The following HEATR1 variants were observed in gnomAD, a reference collection of about 807,000 sequenced individuals.
HEATR1 encodes HEAT repeat-containing protein 1.
A neutral mutation model predicts 248.2 loss-of-function variants in HEATR1; 77 were observed. The ratio of observed to expected loss-of-function variants is 0.31; its 90% confidence interval spans 0.26 to 0.37. The LOEUF (loss-of-function observed/expected upper bound fraction) is 0.37. Among genes scored for constraint, HEATR1 ranks in the 10% least tolerant of loss-of-function variants. The pLI is 1.00. For missense variants in HEATR1, 2,420 were observed against 2,504.9 expected, an observed-to-expected ratio of 0.97 and a Z score of 0.72; for synonymous variants, 897 against 923.1, an observed-to-expected ratio of 0.97 and a Z score of 0.51.
At position 236,553,639 on chromosome 1, in the gene HEATR1, G is replaced by C. The variant is rs200320031; in HGVS notation, c.6179C>G (p.Ser2060Cys). 6.8e-5 allele frequency: 109 copies of C among 1,613,956 alleles called. No homozygotes were observed. The highest frequency in any genetic ancestry group is 5.0e-4 in the Admixed American group (30 of 59,998). Reference protein sequence around the residue: ...AQFSVAMADDSLWKPLNYQIL... With the variant: ...AQFSVAMADDCLWKPLNYQIL... ...CTGGTAGTTCAGTGGTTTCCAAAGA[G>C]AGTCATCCGCCATGGCCACCGAAAA... Residue 2060 changes from serine (S) to cysteine (C), a missense_variant, in exon 43 of 45, where the codon TCT (serine) becomes TGT (cysteine). Transcript: ENST00000366582.
intron 39 of HEATR1, 30 bp from the exon 40 acceptor site, chr1:236,555,685 T>C (rs371924945): frequency 1.0e-4 from 164 of 1,609,424 alleles, no homozygotes; most frequent in Non-Finnish European, 1.3e-4. Context: ...TTTATTAGAG[T>C]GCTGATACCT....
intron 10 of HEATR1, among the ~76,000 whole-genome samples, 154 bp from the exon 11 acceptor site, chr1:236,592,264 G>A (rs372097906): frequency 8.5e-5 from 13 of 152,154 alleles, no homozygotes; most frequent in African/African-American, 2.9e-4. Context: ...AAATGACATT[G>A]GTCAAGTGTG....
rs539778082 is a variant in HEATR1 at position 236,555,731 on chromosome 1, C to T, written c.5649+74G>A. 4.5e-5 allele frequency: 72 copies of T among 1,605,492 alleles called. 1 individual carries two copies. Among genetic ancestry groups the T allele is most frequent in the East Asian group, 2.0e-4 (9 of 44,856 alleles). ...TATTTTGGCAAGTACCACTGTTACA[C>T]GGCTAGATTGTTCTCGGACTCTTCA... is the stretch of plus-strand genomic sequence containing the variant. On this transcript the variant is annotated intron_variant, in intron 39 of 44. Coordinates refer to ENST00000366582, the MANE Select transcript of HEATR1 (RefSeq NM_018072.6).
At chr1:236,564,921 G>C (rs1038909819) in intron 31 of HEATR1, among the ~76,000 whole-genome samples, 1 of 152,180 alleles carries the variant, frequency 6.6e-6, no homozygotes, top group East Asian at 1.9e-4. Context: ...CAATCAAATG[G>C]AAGAAACCAC....
intron 32 of HEATR1, 64 bp downstream of exon 32, chr1:236,564,433 GT>G: frequency 7.0e-7 from 1 of 1,432,936 alleles, no homozygotes; most frequent in Non-Finnish European, 9.6e-7. Flanking sequence ...ACTTCTACTG[GT>G]TGAGAACAGT....
At chr1:236,572,888 TAA>T in intron 24 of HEATR1, 60 bp from the exon 25 acceptor site, 1 of 1,424,548 alleles carries the variant, frequency 7.0e-7, no homozygotes, top group Non-Finnish European at 9.9e-7. Flanking sequence ...ATTAGAGCAA[TAA>T]ATGTTAACCC....
Position 236,594,054 on chromosome 1 carries a change from G to C in HEATR1, c.1151C>G (p.Thr384Arg), listed in dbSNP as rs773135508. 2 of 1,599,552 alleles carry C rather than the reference G, an allele frequency of 1.3e-6. No homozygotes were observed. The highest frequency in any genetic ancestry group is 8.5e-7 in the Non-Finnish European group (1 of 1,175,034). The change falls in exon 9 of 45, where the codon ACA becomes AGA. Residue 384 changes from threonine (T) to arginine (R), a missense_variant. Transcript: ENST00000366582. ...IYKRHLEAIL[T>R]KISLKNNLDH... Reference sequence around the variant, plus strand: ...TAAGTTGTTCTTCAGTGATATTTTTGTAAGTATAGCTTCTAAGTGTCTCTT... The same window carrying C: ...TAAGTTGTTCTTCAGTGATATTTTTCTAAGTATAGCTTCTAAGTGTCTCTT...
intron 19 of HEATR1, among the ~76,000 whole-genome samples, chr1:236,582,397 C>T (rs979381466): frequency 2.0e-5 from 3 of 147,680 alleles, no homozygotes; most frequent in South Asian, 2.2e-4. Context: ...TGAGCTACTG[C>T]GCCCAGCCCA....
chr1:236,565,300 C>A (rs147480637), intron 31 of HEATR1, among the ~76,000 whole-genome samples: 4 of 152,260 alleles, frequency 2.6e-5, no homozygotes, highest in Non-Finnish European at 4.4e-5. Flanking sequence ...TAAGAACTAT[C>A]AACACGTCAA....
At chr1:236,560,999 A>G (rs1398706761) in intron 33 of HEATR1, among the ~76,000 whole-genome samples, 1 of 152,228 alleles carries the variant, frequency 6.6e-6, no homozygotes, top group Non-Finnish European at 1.5e-5. Flanking sequence ...TGGTTTTATA[A>G]GAACATCTCT....
intron 28 of HEATR1, among the ~76,000 whole-genome samples, chr1:236,569,401 T>C (rs999707192): frequency 2.0e-5 from 3 of 152,078 alleles, no homozygotes; most frequent in Admixed American, 2.0e-4. Context: ...CAGGCTGGTC[T>C]TGAACTCCCA....
At chr1:236,591,950 A>G in intron 11 of HEATR1, 43 bp downstream of exon 11, 1 of 1,257,564 alleles carries the variant, frequency 8.0e-7, no homozygotes, top group Non-Finnish European at 1.2e-6. Context: ...TACCCATACA[A>G]ATGTACCCCA....
chr1:236,596,010 G>A lies in HEATR1; in HGVS notation c.779C>T (p.Ala260Val). ...AATCTGACATATTATCATGTATGTTGCAGCTCTGTAATCTGGTAAAGATGA... is the reference window on the plus strand; with the variant it reads ...AATCTGACATATTATCATGTATGTTACAGCTCTGTAATCTGGTAAAGATGA... ...LKSSLPDYRAATYMIICQISV... is the reference protein window; with the variant it reads ...LKSSLPDYRAVTYMIICQISV... Residue 260 changes from alanine (A) to valine (V), a missense_variant, in exon 7 of 45, where the codon GCA (alanine) becomes GTA (valine). Physicochemically the swap from Ala to Val is moderately conservative, Grantham distance 64 (BLOSUM62 0). Transcript: ENST00000366582. The A allele has an allele frequency of 6.2e-7, 1 of 1,613,088 alleles. No homozygotes were observed. Among genetic ancestry groups the A allele is most frequent in the South Asian group, 1.1e-5 (1 of 91,026 alleles).
chr1:236,599,426 A>G (rs1664257669), intron 4 of HEATR1, 57 bp downstream of exon 4: 1 of 1,450,682 alleles, frequency 6.9e-7, no homozygotes, highest in African/African-American at 1.4e-5. Context: ...TTTCCTAATT[A>G]AATCCCTTAA....
intron 8 of HEATR1, 109 bp from the exon 9 acceptor site, chr1:236,594,223 G>T: frequency 3.2e-6 from 2 of 617,198 alleles, no homozygotes; most frequent in Non-Finnish European, 5.6e-6. Flanking sequence ...CACACACACT[G>T]ATATCCAGCT....
intron 28 of HEATR1, among the ~76,000 whole-genome samples, chr1:236,570,824 C>A (rs761971420): frequency 2.9e-4 from 44 of 151,964 alleles, no homozygotes; most frequent in Middle Eastern, 3.4e-3. Context: ...CATGGAGAAC[C>A]CCAGGTTAAG....
Position 236,557,215 on chromosome 1 carries a change from G to C in HEATR1, c.5335C>G (p.Leu1779Val), listed in dbSNP as rs966901854. The change falls in exon 37 of 45, where the codon CTG becomes GTG. Residue 1779 changes from leucine to valine, a missense_variant. Physicochemically the swap from Leu to Val is conservative, Grantham distance 32. Transcript: ENST00000366582. ...ETLPHFISPY[L>V]EGILSQVIHL... Reference sequence around the variant, plus strand: ...CTCACCTGGGAGAGAATGCCTTCCAGATAGGGGCTGATGAAGTGCGGGAGA... The same window carrying C: ...CTCACCTGGGAGAGAATGCCTTCCACATAGGGGCTGATGAAGTGCGGGAGA... 1.9e-6 allele frequency: 3 copies of C among 1,614,106 alleles called. No homozygotes were observed. The South Asian group carries it at 3.3e-5, about 18-fold the overall frequency.
At position 236,576,245 on chromosome 1, in the gene HEATR1, T is replaced by C. The variant is rs1558184818; in HGVS notation, c.3058A>G (p.Lys1020Glu). The change falls in exon 22 of 45, where the codon AAA becomes GAA. Residue 1020 changes from lysine to glutamate, a missense_variant. Transcript: ENST00000366582. ...TCACCGTTGACTCCCTGAAGTACTT[T>C]CATCAAATCTTTTGCTATATAAGAT... ...CPSYIAKDLM[K>E]VLQGVNGEMV... 6.2e-7 allele frequency: 1 copy of C among 1,604,488 alleles called. No homozygotes were observed. The highest frequency in any genetic ancestry group is 1.1e-5 in the South Asian group (1 of 88,506).
At position 236,550,992 on chromosome 1, in the gene HEATR1, T is replaced by TAAAAAAAAA. The variant is rs55866014; in HGVS notation, c.6347-11_6347-3dup. 1.1e-5 allele frequency: 14 copies of TAAAAAAAAA among 1,255,688 alleles called. No homozygotes were observed. The highest frequency in any genetic ancestry group is 1.5e-5 in the South Asian group (1 of 65,372). The allele number at this position is 1,255,688 out of a possible 1,614,324, so 77.8% of individuals were successfully genotyped here. On this transcript the variant is annotated splice_polypyrimidine_tract_variant and splice_region_variant and intron_variant, in intron 44 of 44. Coordinates refer to ENST00000366582, the MANE Select transcript of HEATR1 (RefSeq NM_018072.6). ...GATGTTCTACTTCTTCACATTCATC[T>TAAAAAAAAA]AAAAAAAAAAAAAAAAAATCAAAAT...
Sources: gnomAD v4.1 joint callset for allele counts (sites outside exome capture counted in the v4.1 genomes callset) on GRCh38, gnomAD v4.1.1 for gene constraint, MANE v1.5 for transcripts, NCBI Gene and HGNC (gene_info 2026-07-23, HGNC 2026-07-21) for gene names.